CLASP1: variants seen among roughly 807,000 people sequenced by gnomAD.
CLASP1 encodes CLIP-associating protein 1.
Under a neutral mutation model 192.3 loss-of-function variants are expected in CLASP1, and 38 were observed. The ratio of observed to expected loss-of-function variants is 0.20; its 90% CI spans 0.15 to 0.26. CLASP1 has a LOEUF of 0.26. Ranked by LOEUF, CLASP1 falls within the 10% of genes least tolerant of loss-of-function variation. The probability of loss-of-function intolerance (pLI) is 1.00; values close to 1 mark genes in which losing one functional copy is unlikely to be tolerated. For synonymous variants in CLASP1, 691 were observed against 712.8 expected (o/e 0.97, Z 0.49); for missense variants, 1,433 against 1,932.5 (o/e 0.74, Z 4.85).
intron 19 of CLASP1, among the ~76,000 whole-genome samples, chr2:121,443,491 G>A (rs2083738241): frequency 1.3e-5 from 2 of 152,050 alleles, no homozygotes; most frequent in Non-Finnish European, 2.9e-5. Context: ...TTGTTTCTTT[G>A]GGCAGGAGAA....
At chr2:121,589,116 T>C (rs1226018308) in intron 2 of CLASP1, among the ~76,000 whole-genome samples, 2 of 152,154 alleles carry the variant, frequency 1.3e-5, no homozygotes. Context: ...GAAACACAGT[T>C]CTCGCCACCA....
intron 19 of CLASP1, among the ~76,000 whole-genome samples, chr2:121,432,259 G>A (rs905220182): frequency 1.3e-5 from 2 of 152,108 alleles, no homozygotes; most frequent in African/African-American, 4.8e-5. Context: ...TGGGATTACA[G>A]GAACATGCCA....
chr2:121,555,698 T>C (rs938144146), intron 2 of CLASP1, among the ~76,000 whole-genome samples: 7 of 152,218 alleles, frequency 4.6e-5, no homozygotes, highest in Non-Finnish European at 8.8e-5. Context: ...ATGTCTTTTT[T>C]TTCCTTTTTT....
At chr2:121,401,655 C>T (rs772102022) in exon 28 of CLASP1, 31 of 1,609,360 alleles carry the variant, frequency 1.9e-5, no homozygotes, top group Non-Finnish European at 2.5e-5. Context: ...CAAGAGTCTC[C>T]AAAAACATAC....
At chr2:121,622,900 T>C (rs2067624964) in intron 1 of CLASP1, among the ~76,000 whole-genome samples, 1 of 152,096 alleles carries the variant, frequency 6.6e-6, no homozygotes, top group Non-Finnish European at 1.5e-5. Flanking sequence ...GAACCTCCAA[T>C]ACAATGTTAA....
intron 39 of CLASP1, among the ~76,000 whole-genome samples, chr2:121,342,156 C>G (rs547692647): frequency 4.0e-5 from 6 of 151,428 alleles, no homozygotes; most frequent in African/African-American, 1.5e-4. Context: ...GGGTCTCACT[C>G]GGAGGCCCAG....
intron 8 of CLASP1, among the ~76,000 whole-genome samples, chr2:121,483,208 T>C (rs772697333): frequency 4.6e-5 from 7 of 152,130 alleles, no homozygotes; most frequent in Non-Finnish European, 1.0e-4. Flanking sequence ...GGTAGAAAGT[T>C]AGTCTGTGAA....
At chr2:121,544,907 C>T (rs1466976335) in intron 2 of CLASP1, among the ~76,000 whole-genome samples, 2 of 122,886 alleles carry the variant, frequency 1.6e-5, no homozygotes, top group African/African-American at 3.0e-5. Flanking sequence ...CTTTTCTTTT[C>T]TTTTTTTTTT....
chr2:121,407,321 A>G, intron 25 of CLASP1, 150 bp downstream of exon 26: 1 of 800,684 alleles, frequency 1.2e-6, no homozygotes, highest in South Asian at 1.9e-5. Context: ...TCATCTTGGT[A>G]CCTTTAGTGC....
intron 1 of CLASP1, among the ~76,000 whole-genome samples, chr2:121,618,069 G>A (rs2066743524): frequency 6.6e-6 from 1 of 152,132 alleles, no homozygotes; most frequent in Non-Finnish European, 1.5e-5. Flanking sequence ...CCATTCTAGG[G>A]GTACTCCCTT....
chr2:121,342,092 T>C (rs1030288960), intron 39 of CLASP1, among the ~76,000 whole-genome samples: 1 of 152,020 alleles, frequency 6.6e-6, no homozygotes, highest in African/African-American at 2.4e-5. Flanking sequence ...GAAGAGATCA[T>C]AAGGTAAACT....
chr2:121,613,643 A>T (rs1029662817), intron 1 of CLASP1, among the ~76,000 whole-genome samples: 1 of 149,028 alleles, frequency 6.7e-6, no homozygotes, highest in East Asian at 2.0e-4. Flanking sequence ...AAAAAAAAAT[A>T]GCACCTATCT....
exon 36 of CLASP1, chr2:121,365,185 A>G: frequency 6.2e-7 from 1 of 1,613,830 alleles, no homozygotes; most frequent in Non-Finnish European, 8.5e-7. Flanking sequence ...CGTGATCTTG[A>G]GCAGCTCCAG....
intron 34 of CLASP1, among the ~76,000 whole-genome samples, chr2:121,373,107 A>C (rs1165782064): frequency 6.6e-6 from 1 of 152,212 alleles, no homozygotes; most frequent in Non-Finnish European, 1.5e-5. Context: ...TTCGGTGAGG[A>C]ACCTGGTGGG....
chr2:121,404,651 T>C (rs2076650627), intron 25 of CLASP1, among the ~76,000 whole-genome samples: 1 of 152,132 alleles, frequency 6.6e-6, no homozygotes, highest in Admixed American at 6.5e-5. Flanking sequence ...GTCAACTACA[T>C]AAGCTTTACA....
exon 5 of CLASP1, chr2:121,527,819 G>A (rs1559521543): frequency 1.9e-6 from 3 of 1,613,720 alleles, no homozygotes; most frequent in African/African-American, 1.3e-5. Context: ...TTGCTATAAG[G>A]CAGAGACAGA....
intron 2 of CLASP1, among the ~76,000 whole-genome samples, chr2:121,573,006 C>T (rs546689497): frequency 2.0e-5 from 3 of 152,328 alleles, no homozygotes; most frequent in African/African-American, 7.2e-5. Context: ...GTCGCCCAGG[C>T]TAGAGTGCAG....
chr2:121,476,526 A>G (rs557504064), intron 8 of CLASP1, among the ~76,000 whole-genome samples: 1 of 152,326 alleles, frequency 6.6e-6, no homozygotes, highest in African/African-American at 2.4e-5. Flanking sequence ...ACACTCATCT[A>G]TAACGACCAA....
chr2:121,591,776 T>C (rs1163003709), intron 2 of CLASP1, among the ~76,000 whole-genome samples: 1 of 152,176 alleles, frequency 6.6e-6, no homozygotes, highest in East Asian at 1.9e-4. Context: ...TAAGGATGTT[T>C]AAACACCAAG....
Sources: gnomAD v4.1 joint callset for allele counts (sites outside exome capture counted in the v4.1 genomes callset) on GRCh38, gnomAD v4.1.1 for gene constraint, MANE v1.5 for transcripts, NCBI Gene and HGNC (gene_info 2026-07-23, HGNC 2026-07-21) for gene names.